BBX: variants seen among roughly 807,000 people sequenced by gnomAD.
BBX encodes BBX high mobility group box domain containing.
BBX carries 30 observed loss-of-function variants against 100.2 expected under a neutral mutation model. The observed-to-expected ratio is 0.30, with a 90% confidence interval of 0.22 to 0.41. The LOEUF is 0.41. Among genes scored for constraint, BBX ranks in the 10% least tolerant of loss-of-function variants. The pLI is 1.00. For missense variants in BBX, 1,023 were observed against 1,129.8 expected, an observed-to-expected ratio of 0.91 and a Z score of 1.35; for synonymous variants, 376 against 388.1, an observed-to-expected ratio of 0.97 and a Z score of 0.37.
intron 15 of BBX, among the ~76,000 whole-genome samples, chr3:107,794,997 G>T (rs539839028): frequency 1.3e-5 from 2 of 152,306 alleles, no homozygotes; most frequent in South Asian, 4.1e-4. Context: ...TATTGTTTGG[G>T]TGTAAAAACT....
intron 2 of BBX, among the ~76,000 whole-genome samples, chr3:107,567,954 CA>C (rs2051045997): frequency 6.6e-6 from 1 of 151,624 alleles, no homozygotes; most frequent in Admixed American, 6.6e-5. Context: ...TCTCCCTAAG[CA>C]AGAGAACTTG....
chr3:107,778,544 G>A (rs779881355), intron 13 of BBX, 25 bp downstream of exon 13: 4 of 1,607,980 alleles, frequency 2.5e-6, no homozygotes, highest in Middle Eastern at 1.7e-4. Context: ...GTACCTTCCT[G>A]CCATGTGGTC....
chr3:107,753,435 A>C (rs1289496562), intron 9 of BBX, among the ~76,000 whole-genome samples: 1 of 152,212 alleles, frequency 6.6e-6, no homozygotes, highest in Admixed American at 6.5e-5. Flanking sequence ...GGCTTCCAGC[A>C]ACCTTGAGCA....
chr3:107,590,250 C>A (rs964983557), intron 2 of BBX, among the ~76,000 whole-genome samples: 1 of 151,950 alleles, frequency 6.6e-6, no homozygotes, highest in Admixed American at 6.5e-5. Context: ...TGTATATAGG[C>A]ATCTATTTTT....
chr3:107,680,457 G>C (rs2059513349), intron 3 of BBX, among the ~76,000 whole-genome samples: 1 of 152,134 alleles, frequency 6.6e-6, no homozygotes, highest in South Asian at 2.1e-4. Flanking sequence ...CAAGTAAAAT[G>C]AGGTTGTTGA....
intron 2 of BBX, among the ~76,000 whole-genome samples, chr3:107,549,408 G>GT (rs1403082081): frequency 1.3e-5 from 2 of 152,148 alleles, no homozygotes; most frequent in African/African-American, 2.4e-5. Flanking sequence ...GAGAGGGGAG[G>GT]TTGCTCTAGA....
chr3:107,774,375 G>A (rs2067152516), intron 11 of BBX, among the ~76,000 whole-genome samples: 1 of 152,124 alleles, frequency 6.6e-6, no homozygotes, highest in African/African-American at 2.4e-5. Context: ...TCAGTTCAGT[G>A]AGTTTTAGGG....
At position 107,773,625 on chromosome 3, in the gene BBX, A is replaced by G. The variant is rs1164941937; in HGVS notation, c.1904A>G (p.Asn635Ser). The change falls in exon 11 of 18, where the codon AAT becomes AGT. Residue 635 changes from asparagine (N) to serine (S), a missense_variant. This residue lies in a region of BBX where 215 missense variants were observed against 211.3 expected (regional missense o/e 1.02). Transcript: ENST00000325805. This position sits in a 1 kb window ranked among gnomAD's most constrained non-coding sequence, Gnocchi z 4.1. The part of the protein sequence containing the change: ...SEGMLTSLRA[N>S]VDRGKRSSGK... ...GGCATGCTCACCTCTCTGCGAGCTA[A>G]TGTTGACAGAGGTAAGTAACTTCTA... 3 of 1,609,158 alleles carry G rather than the reference A, an allele frequency of 1.9e-6. No homozygotes were observed. The highest frequency in any genetic ancestry group is 1.1e-5 in the South Asian group (1 of 90,138).
At chr3:107,535,116 T>C (rs1429093092) in intron 2 of BBX, among the ~76,000 whole-genome samples, 1 of 152,234 alleles carries the variant, frequency 6.6e-6, no homozygotes, top group East Asian at 1.9e-4. Context: ...TCATGCCAGG[T>C]TTAGACTGCC....
chr3:107,586,916 A>G (rs780024297), intron 2 of BBX, among the ~76,000 whole-genome samples: 1 of 151,920 alleles, frequency 6.6e-6, no homozygotes, highest in African/African-American at 2.4e-5. Flanking sequence ...ATGTCCAGCT[A>G]ATTTTTGTAT....
At chr3:107,570,609 A>G (rs1290491039) in intron 2 of BBX, among the ~76,000 whole-genome samples, 1 of 152,094 alleles carries the variant, frequency 6.6e-6, no homozygotes, top group Non-Finnish European at 1.5e-5. Flanking sequence ...GGGGAGGGCT[A>G]GTTGAGGAAA....
At chr3:107,558,128 G>A (rs763472375) in intron 2 of BBX, among the ~76,000 whole-genome samples, 1 of 152,168 alleles carries the variant, frequency 6.6e-6, no homozygotes, top group Middle Eastern at 3.2e-3. Context: ...TGCTAAAATC[G>A]AGCTTCAGCA....
rs561132487 is a variant in BBX, at chr3:107,731,006, G to T, written c.602-1950G>T. Among the ~76,000 whole-genome samples, 14 of 152,206 alleles carry T rather than the reference G, an allele frequency of 9.2e-5. No homozygotes were observed. In the South Asian group the frequency reaches 1.7e-3, roughly 18 times the overall value. On this transcript the variant is annotated intron_variant, in intron 6 of 17. Transcript: ENST00000325805. The stretch of plus-strand genomic sequence containing the variant: ...AGTAGTCCTTGTCACATGACATTTT[G>T]CAATTTTGAATAACCCCAAATTACC...
At chr3:107,670,945 A>C (rs1046924916) in intron 3 of BBX, among the ~76,000 whole-genome samples, 2 of 152,064 alleles carry the variant, frequency 1.3e-5, no homozygotes, top group Admixed American at 6.6e-5. Context: ...GTTTTTTCCT[A>C]AAAACAATTT....
chr3:107,561,693 A>T (rs2050512770), intron 2 of BBX, among the ~76,000 whole-genome samples: 1 of 152,222 alleles, frequency 6.6e-6, no homozygotes, highest in Admixed American at 6.5e-5. Flanking sequence ...CAAAAATATG[A>T]CAATATCTGC....
intron 10 of BBX, among the ~76,000 whole-genome samples, chr3:107,758,401 G>A (rs2065648821): frequency 6.6e-6 from 1 of 152,136 alleles, no homozygotes; most frequent in Admixed American, 6.5e-5. Flanking sequence ...GGGTCAAGTG[G>A]ATAAATAGAA....
rs559873483 is a variant in BBX, at chr3:107,809,541, G to A, written c.*4084G>A. The A allele has an allele frequency of 6.6e-6, 1 of 152,172 alleles. No homozygotes were observed. The highest frequency in any genetic ancestry group is 1.5e-5 in the Non-Finnish European group (1 of 68,040). 9.4% of individuals were successfully genotyped at this position (152,172 alleles called of 1,614,324 possible). On this transcript the variant is annotated 3_prime_UTR_variant, in exon 18 of 18. Coordinates refer to ENST00000325805, the MANE Select transcript of BBX (RefSeq NM_001142568.3). ...AGGCCAATCCTAATGGGCTACCTCG[G>A]CTTTAAAAGTTAATTTCAGTAAGTC...
chr3:107,713,285 C>T (rs1487814709), intron 4 of BBX, among the ~76,000 whole-genome samples: 1 of 152,076 alleles, frequency 6.6e-6, no homozygotes, highest in Non-Finnish European at 1.5e-5. Flanking sequence ...TTTGCCTGGA[C>T]AGCTGGAATA....
intron 2 of BBX, among the ~76,000 whole-genome samples, chr3:107,612,900 A>G (rs2054949826): frequency 6.6e-6 from 1 of 152,098 alleles, no homozygotes; most frequent in African/African-American, 2.4e-5. Flanking sequence ...GGAGTCAGAA[A>G]CCTGAGAGGT....
Sources: gnomAD v4.1 joint callset for allele counts (sites outside exome capture counted in the v4.1 genomes callset) on GRCh38, gnomAD v4.1.1 for gene constraint, gnomAD v4.1.1 regional missense constraint, Gnocchi (gnomAD v3.1) non-coding constraint, MANE v1.5 for transcripts, NCBI Gene and HGNC (gene_info 2026-07-23, HGNC 2026-07-21) for gene names.